Variants in FTCDNL1 observed in about 807,000 individuals in gnomAD.
FTCDNL1 encodes formiminotransferase N-terminal subdomain-containing protein.
A neutral mutation model predicts 5.9 loss-of-function variants in FTCDNL1; 11 were observed. The ratio of observed to expected loss-of-function variants is 1.87; its 90% CI spans 1.18 to 3.10. The LOEUF (loss-of-function observed/expected upper bound fraction) is 3.10, where lower values mean the gene tolerates loss of function less well. Ranked by LOEUF, FTCDNL1 falls within the 30% of genes most tolerant of loss-of-function variation. The pLI is 0.00. For missense variants in FTCDNL1, 115 were observed against 65.5 expected (o/e 1.76, Z -2.61); for synonymous variants, 58 against 24.8 (o/e 2.34, Z -3.99).
the FTCDNL1 span, among the ~76,000 whole-genome samples, chr2:199,691,667 A>T: frequency 6.6e-5 from 10 of 152,202 alleles, no homozygotes; most frequent in Non-Finnish European, 5.9e-5. Context: ...AGCACTTACA[A>T]AACTGTTGTA....
chr2:199,817,743 C>CA (rs751886241), intron 4 of FTCDNL1, among the ~76,000 whole-genome samples: 183 of 102,782 alleles, frequency 1.8e-3, no homozygotes, highest in South Asian at 0.01. Flanking sequence ...GACCCTGTCT[C>CA]AAAAAAAAAA....
At chr2:199,770,962 G>A (rs1698780031) in intron 3 of FTCDNL1, among the ~76,000 whole-genome samples, 1 of 152,210 alleles carries the variant, frequency 6.6e-6, no homozygotes, top group South Asian at 2.1e-4. Flanking sequence ...TAGAGGCTGA[G>A]CCCTGGAGTC....
chr2:199,814,991 G>A (rs1312841703), intron 4 of FTCDNL1, among the ~76,000 whole-genome samples: 1 of 151,996 alleles, frequency 6.6e-6, no homozygotes, highest in African/African-American at 2.4e-5. Flanking sequence ...CTGACTCCTA[G>A]GGCATCATAT....
chr2:199,771,269 A>T lies in FTCDNL1; in HGVS notation c.212-10434T>A, dbSNP rs184603454. On this transcript the variant is annotated intron_variant, in intron 3 of 3. Transcript: ENST00000416668. ...AGTGCTACCTATGGCTCACGACATG[A>T]CCCAGAACATCGCCATGTGGGTTTC... Among the ~76,000 whole-genome samples the T allele has an allele frequency of 5.3e-5, 8 of 152,270 alleles. No homozygotes were observed. The East Asian group carries it at 1.2e-3, about 22-fold the overall frequency.
At chr2:199,807,899 C>T (rs1700816141), downstream of FTCDNL1, among the ~76,000 whole-genome samples, 1 of 152,118 alleles carries the variant, frequency 6.6e-6, no homozygotes, top group African/African-American at 2.4e-5. Context: ...CCACCCAAAT[C>T]TCATGTTCAA....
At chr2:199,715,391 G>A in the FTCDNL1 span, among the ~76,000 whole-genome samples, 1 of 152,096 alleles carries the variant, frequency 6.6e-6, no homozygotes, top group Non-Finnish European at 1.5e-5. Flanking sequence ...TTCCCGTGCT[G>A]TTCTAGTGAT....
chr2:199,730,738 G>A, the FTCDNL1 span, among the ~76,000 whole-genome samples: 1 of 152,216 alleles, frequency 6.6e-6, no homozygotes, highest in African/African-American at 2.4e-5. Context: ...CTTTTACACT[G>A]TTGGTGGGTG....
intron 3 of FTCDNL1, among the ~76,000 whole-genome samples, chr2:199,798,964 TG>T (rs752665592): frequency 7.9e-5 from 12 of 152,118 alleles, no homozygotes; most frequent in Non-Finnish European, 1.3e-4. Context: ...GCCTGAAGAA[TG>T]GGAGGGGGGT....
At chr2:199,800,304 G>A (rs912143963) in intron 3 of FTCDNL1, among the ~76,000 whole-genome samples, 2 of 152,106 alleles carry the variant, frequency 1.3e-5, no homozygotes, top group Admixed American at 6.5e-5. Flanking sequence ...CTGAGCCTCC[G>A]TTTCTGTACC....
At chr2:199,765,645 G>A (rs776631110) in intron 3 of FTCDNL1, among the ~76,000 whole-genome samples, 8 of 145,510 alleles carry the variant, frequency 5.5e-5, no homozygotes, top group African/African-American at 1.0e-4. Context: ...AGGTTCAAGC[G>A]ATCCTCCCAC....
chr2:199,696,551 C>T, the FTCDNL1 span, among the ~76,000 whole-genome samples: 3 of 151,924 alleles, frequency 2.0e-5, no homozygotes, highest in Non-Finnish European at 4.4e-5. Flanking sequence ...GAGCCTTGGC[C>T]ACCTGAAATT....
At position 199,773,746 on chromosome 2, in the gene FTCDNL1, C is replaced by T. The variant is rs560212291; in HGVS notation, c.212-12911G>A. ...TATGTCCAATAAACCATCTCCATGG[C>T]TCTGTGTGGGTCACATCCCCCCAAC... On this transcript the variant is annotated intron_variant, in intron 3 of 3. Transcript: ENST00000416668. Among the ~76,000 whole-genome samples the T allele has an allele frequency of 6.6e-4, 100 of 152,336 alleles. 1 individual carries two copies. Among genetic ancestry groups the T allele is most frequent in the African/African-American group, 2.4e-3 (99 of 41,570 alleles).
chr2:199,785,210 C>CCTTTCTTT, intron 3 of FTCDNL1, among the ~76,000 whole-genome samples: 1 of 145,408 alleles, frequency 6.9e-6, no homozygotes, highest in East Asian at 2.0e-4. Flanking sequence ...TCATCACATA[C>CCTTTCTTT]CTTTCTTTCT....
At chr2:199,726,394 CA>C in the FTCDNL1 span, among the ~76,000 whole-genome samples, 2 of 152,214 alleles carry the variant, frequency 1.3e-5, no homozygotes, top group South Asian at 4.1e-4. Context: ...TCTGTCAATT[CA>C]TCCATCTCAG....
intron 3 of FTCDNL1, among the ~76,000 whole-genome samples, chr2:199,797,191 A>G (rs550335326): frequency 4.6e-5 from 7 of 152,234 alleles, no homozygotes; most frequent in Non-Finnish European, 1.0e-4. Context: ...TTCATTTTCA[A>G]TCTATGTTCA....
At chr2:199,768,587 A>G (rs371825162) in intron 3 of FTCDNL1, among the ~76,000 whole-genome samples, 1 of 150,782 alleles carries the variant, frequency 6.6e-6, no homozygotes, top group Non-Finnish European at 1.5e-5. Context: ...TTTTTTTTTA[A>G]TTAGGAAATC....
intron 3 of FTCDNL1, among the ~76,000 whole-genome samples, chr2:199,796,663 G>A (rs1700186500): frequency 6.6e-6 from 1 of 152,038 alleles, no homozygotes; most frequent in Non-Finnish European, 1.5e-5. Context: ...CTGATTAATT[G>A]TGACTGACAC....
chr2:199,681,786 TG>T, the FTCDNL1 span, among the ~76,000 whole-genome samples: 1 of 152,154 alleles, frequency 6.6e-6, no homozygotes, highest in Non-Finnish European at 1.5e-5. Context: ...ACATACAAAT[TG>T]TTATATATAC....
At chr2:199,759,589 C>A (rs1039843167), downstream of FTCDNL1, among the ~76,000 whole-genome samples, 1 of 152,062 alleles carries the variant, frequency 6.6e-6, no homozygotes, top group African/African-American at 2.4e-5. Flanking sequence ...CTAACCAAAG[C>A]AATAAACAGA....
Sources: allele counts gnomAD v4.1 joint callset (sites outside exome capture counted in the v4.1 genomes callset), GRCh38; gene constraint gnomAD v4.1.1; transcripts MANE v1.5; gene names NCBI Gene and HGNC (gene_info 2026-07-23, HGNC 2026-07-21).